NAV1: variants seen among roughly 807,000 people sequenced by gnomAD.
NAV1 encodes pore membrane and/or filament interacting like protein 3.
NAV1 carries 18 observed loss-of-function variants against 175.2 expected under a neutral mutation model. The observed-to-expected ratio is 0.10, with a 90% CI of 0.07 to 0.15. The LOEUF is 0.15. Among genes scored for constraint, NAV1 ranks in the 10% least tolerant of loss-of-function variants. The probability of loss-of-function intolerance (pLI) is 1.00; values close to 1 mark genes in which losing one functional copy is unlikely to be tolerated. For synonymous variants in NAV1, 897 were observed against 978.7 expected, an observed-to-expected ratio of 0.92 and a Z score of 1.56; for missense variants, 1,731 against 2,436.6, an observed-to-expected ratio of 0.71 and a Z score of 6.10.
At chr1:201,669,622 G>A (rs936233189) in intron 1 of NAV1, among the ~76,000 whole-genome samples, 3 of 152,248 alleles carry the variant, frequency 2.0e-5, no homozygotes, top group African/African-American at 7.2e-5. Context: ...TTTTTCCAAA[G>A]TCACTGAGGC....
intron 1 of NAV1, among the ~76,000 whole-genome samples, chr1:201,575,177 C>T (rs1034336095): frequency 6.6e-6 from 1 of 152,178 alleles, no homozygotes; most frequent in African/African-American, 2.4e-5. Flanking sequence ...CAGTGCTTCC[C>T]TTTTCCTGGG....
chr1:201,648,450 C>T (rs1247675204), exon 1 of NAV1: 2 of 1,162,514 alleles, frequency 1.7e-6, no homozygotes, highest in Non-Finnish European at 1.1e-6. Flanking sequence ...TTTCCTTTTT[C>T]CCGGCTTCCT....
chr1:201,715,338 T>C (rs1425416218), intron 2 of NAV1, among the ~76,000 whole-genome samples: 1 of 152,112 alleles, frequency 6.6e-6, no homozygotes, highest in Non-Finnish European at 1.5e-5. Flanking sequence ...TTTTGTATTT[T>C]TAGTAGAGAT....
chr1:201,729,172 G>C (rs1034250827), intron 3 of NAV1, among the ~76,000 whole-genome samples: 1 of 152,156 alleles, frequency 6.6e-6, no homozygotes, highest in African/African-American at 2.4e-5. Context: ...GAGCTTGTGT[G>C]GTGCCTGGAA....
rs146905693 is a variant in NAV1, at chr1:201,601,140, A to G, written c.-33+12491A>G. Among the ~76,000 whole-genome samples, 14 of 152,328 alleles carry G rather than the reference A, an allele frequency of 9.2e-5. No individual in the cohort carries two copies. The East Asian group carries it at 2.5e-3, about 27-fold the overall frequency. On this transcript the variant is annotated intron_variant, in intron 2 of 33. Transcript: ENST00000685211. ...GACCACATAATTTACCTCAGCTCTA[A>G]CATGGATAGCTGCTGTTGTCTGCAT...
At chr1:201,774,410 CTA>C (rs1048311391) in intron 3 of NAV1, among the ~76,000 whole-genome samples, 5 of 152,194 alleles carry the variant, frequency 3.3e-5, no homozygotes, top group Non-Finnish European at 7.3e-5. Flanking sequence ...TAAAGACATT[CTA>C]TTCTTACACC....
At chr1:201,691,506 CAAAT>C (rs368170618) in intron 1 of NAV1, among the ~76,000 whole-genome samples, 11 of 152,166 alleles carry the variant, frequency 7.2e-5, no homozygotes, top group African/African-American at 2.4e-4. Context: ...CGTAAACAAA[CAAAT>C]GAATGAGGAA....
Position 201,740,155 on chromosome 1 carries a change from C to A in NAV1, c.1226+21400C>A. 1 of 1,185,588 alleles carries A rather than the reference C, an allele frequency of 8.4e-7. No homozygotes were observed. The highest frequency in any genetic ancestry group is 1.1e-6 in the Non-Finnish European group (1 of 872,010). 73.4% of individuals were successfully genotyped at this position (1,185,588 alleles called of 1,614,324 possible). ...GTTTGTGGCACCCCCAGCCCCGCCGCAGCCCCCCAGTTCCGCCGCAGCTGC... is the reference window on the plus strand; with the variant it reads ...GTTTGTGGCACCCCCAGCCCCGCCGAAGCCCCCCAGTTCCGCCGCAGCTGC... On this transcript the variant is annotated intron_variant, in intron 3 of 29. Coordinates refer to ENST00000367296, the Ensembl canonical transcript of NAV1. This position sits in a 1 kb window ranked among gnomAD's most constrained non-coding sequence, Gnocchi z 4.7.
chr1:201,661,095 G>A (rs113736024), intron 1 of NAV1, among the ~76,000 whole-genome samples: 80 of 152,298 alleles, frequency 5.3e-4, no homozygotes, highest in African/African-American at 1.8e-3. Context: ...CAAGTTCACG[G>A]TCAAGCTAAG....
At chr1:201,743,121 AG>A (rs1673539696) in intron 3 of NAV1, among the ~76,000 whole-genome samples, 1 of 152,246 alleles carries the variant, frequency 6.6e-6, no homozygotes, top group Admixed American at 6.5e-5. Context: ...AAGGAGGTTA[AG>A]TAAGCATACT....
At chr1:201,712,629 T>C (rs1020053491) in intron 1 of NAV1, among the ~76,000 whole-genome samples, 188 bp from the exon 6 acceptor site, 1 of 152,132 alleles carries the variant, frequency 6.6e-6, no homozygotes, top group African/African-American at 2.4e-5. Context: ...GAGGGCTCAA[T>C]GGCACATGTC....
chr1:201,584,254 C>A (rs1666961249), intron 1 of NAV1, among the ~76,000 whole-genome samples: 2 of 152,226 alleles, frequency 1.3e-5, no homozygotes, highest in South Asian at 4.1e-4. Context: ...AAAACCATTG[C>A]TCTTTTTCAT....
chr1:201,647,615 G>A (rs1161003525), upstream of NAV1, among the ~76,000 whole-genome samples: 2 of 151,870 alleles, frequency 1.3e-5, no homozygotes, highest in African/African-American at 4.8e-5. Context: ...TCAACGCTAG[G>A]CCCCTTCTCT....
At chr1:201,589,416 GTTAAA>G (rs1441983157) in intron 2 of NAV1, among the ~76,000 whole-genome samples, 2 of 151,724 alleles carry the variant, frequency 1.3e-5, no homozygotes, top group South Asian at 2.1e-4. Flanking sequence ...GTAGGGAAAT[GTTAAA>G]TTAAGTTAAT....
intron 2 of NAV1, among the ~76,000 whole-genome samples, chr1:201,633,436 G>C (rs900139492): frequency 2.0e-5 from 3 of 152,140 alleles, no homozygotes; most frequent in African/African-American, 7.2e-5. Context: ...GCTGTGCCAG[G>C]ATTCCATCCC....
chr1:201,596,308 C>T (rs1048506033), intron 2 of NAV1, among the ~76,000 whole-genome samples: 1 of 152,262 alleles, frequency 6.6e-6, no homozygotes, highest in Non-Finnish European at 1.5e-5. Flanking sequence ...TCGTGTATCT[C>T]TCATTAGTCC....
intron 3 of NAV1, among the ~76,000 whole-genome samples, chr1:201,770,120 G>A (rs1435087532): frequency 6.6e-6 from 1 of 152,230 alleles, no homozygotes; most frequent in African/African-American, 2.4e-5. Context: ...AATGTGGGGA[G>A]CAGACGGTGT....
intron 3 of NAV1, among the ~76,000 whole-genome samples, chr1:201,735,087 G>A (rs1003135405): frequency 2.6e-5 from 4 of 152,092 alleles, no homozygotes; most frequent in African/African-American, 9.7e-5. Flanking sequence ...TGGGATTAGG[G>A]CTGAGCTCTG....
upstream of NAV1, among the ~76,000 whole-genome samples, chr1:201,646,545 T>G (rs570596385): frequency 6.6e-6 from 1 of 152,246 alleles, no homozygotes; most frequent in East Asian, 1.9e-4. Flanking sequence ...AATCGCCACC[T>G]TTTTTTCTAT....
Sources: allele counts gnomAD v4.1 joint callset (sites outside exome capture counted in the v4.1 genomes callset), GRCh38; gene constraint gnomAD v4.1.1; non-coding constraint Gnocchi (gnomAD v3.1); transcripts MANE v1.5; gene names NCBI Gene and HGNC (gene_info 2026-07-23, HGNC 2026-07-21).